PCNT: variants seen among roughly 807,000 people sequenced by gnomAD.
PCNT encodes kendrin.
In PCNT, 319 loss-of-function variants were observed where a neutral mutation model predicts 380.4. The observed-to-expected ratio is 0.84, with a 90% CI of 0.77 to 0.92. The LOEUF (loss-of-function observed/expected upper bound fraction) is 0.92. Among genes scored for constraint, PCNT ranks in the 40% least tolerant of loss-of-function variants. The pLI, the probability that PCNT is intolerant of heterozygous loss-of-function variation, is 0.00. For missense variants in PCNT, 4,400 were observed against 4,255.3 expected, an observed-to-expected ratio of 1.03 and a Z score of -0.95; for synonymous variants, 1,845 against 1,735.2, an observed-to-expected ratio of 1.06 and a Z score of -1.57.
chr21:46,372,030 C>T (rs2085156364), intron 15 of PCNT, among the ~76,000 whole-genome samples: 1 of 150,828 alleles, frequency 6.6e-6, no homozygotes, highest in Non-Finnish European at 1.5e-5. Context: ...ACAGCACATA[C>T]ATGCAGCACT....
intron 30 of PCNT, among the ~76,000 whole-genome samples, chr21:46,417,973 T>A (rs1376110431): frequency 6.6e-6 from 1 of 152,212 alleles, no homozygotes; most frequent in Non-Finnish European, 1.5e-5. Flanking sequence ...CAAAACAATT[T>A]AAATCTGAAA....
In PCNT at chr21:46,411,066, CTTTG is replaced by C. The variant is rs1242746346; in HGVS notation, c.5116-119_5116-116del. Reference sequence around the variant, plus strand: ...CACCAGCAGTTTGCTTCTATGGCTGCTTTGTTTTTCACGCTATGGAGTCTTCACT... The same window carrying C: ...CACCAGCAGTTTGCTTCTATGGCTGCTTTTTCACGCTATGGAGTCTTCACT... On this transcript the variant is annotated intron_variant, in intron 27 of 46. Coordinates refer to ENST00000359568, the MANE Select transcript of PCNT (RefSeq NM_006031.6). 5 of 1,059,464 alleles carry C rather than the reference CTTTG, an allele frequency of 4.7e-6. No individual in the cohort carries two copies. The African/African-American group carries it at 7.8e-5, about 17-fold the overall frequency. 65.6% of individuals were successfully genotyped at this position (1,059,464 alleles called of 1,614,324 possible).
rs746689181 is a variant in PCNT at position 46,430,618 on chromosome 21, G to C, written c.8025G>C (p.Arg2675=). Residue 2675 remains arginine (R), a synonymous_variant, in exon 37 of 47, where the codon CGG becomes CGC. Transcript: ENST00000359568. ...GCCAGCTGGAGGAGGAGCAGCTGCG[G>C]CACCTGCAGAGGGAGAGCCAGAGTG... ...LQSQLEEEQL[R]HLQRESQSAK... is the part of the protein sequence containing the mutation. 6.4e-7 allele frequency: 1 copy of C among 1,570,112 alleles called. No homozygotes were observed. The highest frequency in any genetic ancestry group is 1.9e-5 in the Admixed American group (1 of 53,708).
At position 46,389,184 on chromosome 21, in the gene PCNT, C is replaced by T. The variant is rs1343496040; in HGVS notation, c.3608-15C>T. The T allele has an allele frequency of 1.9e-6, 3 of 1,610,014 alleles. No individual in the cohort carries two copies. The highest frequency in any genetic ancestry group is 1.7e-5 in the Admixed American group (1 of 59,998). ...CTCACTGAGCCGCGTGTGCCGGCAT[C>T]TGCTCATCTTGTAGCTCCGGCGCTG... On this transcript the variant is annotated splice_polypyrimidine_tract_variant and intron_variant, in intron 18 of 46. Coordinates refer to ENST00000359568, the MANE Select transcript of PCNT (RefSeq NM_006031.6).
chr21:46,398,867 T>C (rs2086301707), intron 24 of PCNT, among the ~76,000 whole-genome samples: 1 of 148,080 alleles, frequency 6.8e-6, no homozygotes, highest in Non-Finnish European at 1.5e-5. Context: ...TTGCCCAGGC[T>C]GGAGTGCAGT....
chr21:46,422,422 C>CCTGTGCCTCCCTCCT (rs2087293651), intron 32 of PCNT, among the ~76,000 whole-genome samples: 1 of 151,822 alleles, frequency 6.6e-6, no homozygotes, highest in African/African-American at 2.4e-5. Context: ...GCCTCTCTCC[C>CCTGTGCCTCCCTCCT]GCCTGTGCCT....
At chr21:46,381,364 C>A (rs1569226071) in intron 15 of PCNT, among the ~76,000 whole-genome samples, 1 of 151,916 alleles carries the variant, frequency 6.6e-6, no homozygotes, top group African/African-American at 2.4e-5. Context: ...GGCTGTAATT[C>A]CTTGATGGTG....
At position 46,428,429 on chromosome 21, in the gene PCNT, G is replaced by C. The variant is rs776343024; in HGVS notation, c.7529G>C (p.Arg2510Pro). Residue 2510 changes from arginine (R) to proline (P), a missense_variant, in exon 35 of 47, where the codon CGC becomes CCC. Coordinates refer to ENST00000359568, the MANE Select transcript of PCNT (RefSeq NM_006031.6). ...CAGGAAAAGTCCCTGGAGCATCTTC[G>C]CTTGCCGGACCGGAGCAGCCTGCTG... ...DLQEKSLEHL[R>P]LPDRSSLLSE... is the part of the protein sequence containing the mutation. The C allele has an allele frequency of 6.2e-7, 1 of 1,612,432 alleles. No homozygotes were observed. The highest frequency in any genetic ancestry group is 8.5e-7 in the Non-Finnish European group (1 of 1,179,892).
chr21:46,428,919 G>A (rs944819356), intron 35 of PCNT, among the ~76,000 whole-genome samples: 1 of 145,634 alleles, frequency 6.9e-6, no homozygotes, highest in Admixed American at 6.6e-5. Flanking sequence ...TAGCTTCTTC[G>A]GGAGTTTTTA....
intron 13 of PCNT, among the ~76,000 whole-genome samples, chr21:46,360,308 T>C (rs9808759): frequency 0.93 from 131,463 of 141,524 alleles, 61,195 homozygotes; most frequent in African/African-American, 0.99. Flanking sequence ...CTGCAACCTC[T>C]GCCTCCCGGG....
chr21:46,368,545 G>A (rs1443417422), intron 15 of PCNT, among the ~76,000 whole-genome samples: 2 of 152,210 alleles, frequency 1.3e-5, no homozygotes, highest in African/African-American at 4.8e-5. Flanking sequence ...CTGGGCTGGC[G>A]CCTGACTGCA....
chr21:46,340,406 G>A (rs1054130774), intron 3 of PCNT, among the ~76,000 whole-genome samples: 12 of 152,146 alleles, frequency 7.9e-5, no homozygotes, highest in South Asian at 2.1e-4. Flanking sequence ...GCTCTTGGCC[G>A]TAGGCTGGAT....
intron 10 of PCNT, among the ~76,000 whole-genome samples, chr21:46,353,573 C>T (rs1414725310): frequency 6.6e-6 from 1 of 151,338 alleles, no homozygotes; most frequent in African/African-American, 2.4e-5. Flanking sequence ...GTGGTGGACA[C>T]GCTCGTGTAG....
chr21:46,413,501 T>C (rs892880632), intron 29 of PCNT, among the ~76,000 whole-genome samples: 1 of 152,252 alleles, frequency 6.6e-6, no homozygotes, highest in Non-Finnish European at 1.5e-5. Context: ...CTTTCTGTTC[T>C]GTAACGAGCT....
chr21:46,445,209 A>C, intron 46 of PCNT, 75 bp from the exon 47 acceptor site: 2 of 1,014,990 alleles, frequency 2.0e-6, no homozygotes, highest in Admixed American at 3.4e-5. Context: ...TAGTGTTTCA[A>C]AATTGTGGAA....
At chr21:46,374,476 T>C (rs981597671) in intron 15 of PCNT, among the ~76,000 whole-genome samples, 1 of 152,128 alleles carries the variant, frequency 6.6e-6, no homozygotes, top group African/African-American at 2.4e-5. Flanking sequence ...CACAGGCCTG[T>C]GATTGGTGAG....
rs138204202 is a variant in PCNT, at chr21:46,412,164, T to A, written c.5994+97T>A. On this transcript the variant is annotated intron_variant, in intron 28 of 46. Transcript: ENST00000359568. ...TCTCTCTGCGCTGGGCACTGGGGGCTGCAGTTGTCATGGTGGCTCATGACA... is the reference window on the plus strand; with the variant it reads ...TCTCTCTGCGCTGGGCACTGGGGGCAGCAGTTGTCATGGTGGCTCATGACA... 8.7e-4 allele frequency: 1,220 copies of A among 1,397,182 alleles called. 19 individuals carry two copies. In the East Asian group the frequency reaches 0.024, roughly 28 times the overall value. 86.5% of individuals were successfully genotyped at this position (1,397,182 alleles called of 1,614,324 possible).
intron 29 of PCNT, among the ~76,000 whole-genome samples, chr21:46,413,405 CAT>C (rs780174404): frequency 1.3e-5 from 2 of 152,226 alleles, no homozygotes; most frequent in Non-Finnish European, 2.9e-5. Flanking sequence ...GGGTGCAGAA[CAT>C]GTGGGTCTTG....
intron 21 of PCNT, among the ~76,000 whole-genome samples, chr21:46,395,167 T>A (rs553631047): frequency 6.6e-6 from 1 of 152,400 alleles, no homozygotes; most frequent in East Asian, 1.9e-4. Context: ...TTATTGAGAA[T>A]GTTACTTGCA....
Sources: allele counts gnomAD v4.1 joint callset (sites outside exome capture counted in the v4.1 genomes callset), GRCh38; gene constraint gnomAD v4.1.1; transcripts MANE v1.5; gene names NCBI Gene and HGNC (gene_info 2026-07-23, HGNC 2026-07-21).